Variants in GALNTL6 observed in about 807,000 individuals in gnomAD.
GALNTL6 encodes the protein polypeptide N-acetylgalactosaminyltransferase like 6.
GALNTL6 carries 46 observed loss-of-function variants against 73.7 expected under a neutral mutation model. The ratio of observed to expected loss-of-function variants is 0.62; its 90% CI spans 0.49 to 0.80. The LOEUF (loss-of-function observed/expected upper bound fraction) is 0.80. GALNTL6 is among the 30% of genes least tolerant of loss of function. GALNTL6 has a pLI of 0.00. For missense variants in GALNTL6, 604 were observed against 755.0 expected (o/e 0.80, Z 2.34); for synonymous variants, 259 against 263.7 (o/e 0.98, Z 0.17).
At chr4:172,730,699 T>A (rs1229834495) in intron 5 of GALNTL6, among the ~76,000 whole-genome samples, 1 of 152,142 alleles carries the variant, frequency 6.6e-6, no homozygotes, top group Non-Finnish European at 1.5e-5. Flanking sequence ...TCTTGTAGCA[T>A]CCTTGTCTGG....
intron 2 of GALNTL6, among the ~76,000 whole-genome samples, chr4:171,981,422 A>C (rs1739891945): frequency 6.6e-6 from 1 of 152,210 alleles, no homozygotes; most frequent in Admixed American, 6.5e-5. Flanking sequence ...CTGTCAGTTT[A>C]CATTGCCAGG....
intron 2 of GALNTL6, among the ~76,000 whole-genome samples, chr4:171,914,368 G>T (rs1369775383): frequency 6.6e-6 from 1 of 151,074 alleles, no homozygotes; most frequent in Non-Finnish European, 1.5e-5. Flanking sequence ...CAACTTCAGT[G>T]CATTTACAGG....
At chr4:172,903,791 G>T (rs1579633212) in intron 8 of GALNTL6, among the ~76,000 whole-genome samples, 1 of 152,180 alleles carries the variant, frequency 6.6e-6, no homozygotes, top group South Asian at 2.1e-4. Flanking sequence ...GGGGTTTGTT[G>T]TATTACTTTA....
At chr4:172,641,217 T>C (rs748464375) in intron 5 of GALNTL6, among the ~76,000 whole-genome samples, 55 of 152,258 alleles carry the variant, frequency 3.6e-4, no homozygotes, top group Admixed American at 8.5e-4. Flanking sequence ...CTTGCTTCTT[T>C]GTAGTCCATT....
chr4:172,883,088 T>C (rs2111193413), intron 8 of GALNTL6, among the ~76,000 whole-genome samples, 181 bp downstream of exon 8: 1 of 152,318 alleles, frequency 6.6e-6, no homozygotes, highest in Middle Eastern at 3.4e-3. Context: ...TTTTTCTTGA[T>C]ATACAATCAT....
intron 5 of GALNTL6, among the ~76,000 whole-genome samples, chr4:172,781,595 C>T (rs1347499068): frequency 6.6e-6 from 1 of 151,974 alleles, no homozygotes; most frequent in South Asian, 2.1e-4. Context: ...TACCATGGAG[C>T]CTTATTGATC....
At chr4:172,027,231 G>A (rs1020898739) in intron 2 of GALNTL6, among the ~76,000 whole-genome samples, 4 of 152,070 alleles carry the variant, frequency 2.6e-5, no homozygotes, top group African/African-American at 4.8e-5. Context: ...AGATATTGTG[G>A]TTGTTACAAA....
chr4:172,988,338 A>C (rs1001521958), intron 10 of GALNTL6, among the ~76,000 whole-genome samples: 2 of 152,168 alleles, frequency 1.3e-5, no homozygotes, highest in African/African-American at 4.8e-5. Context: ...CTTGAGAGAG[A>C]GGATTTAGGG....
At chr4:172,916,680 G>A (rs187651627) in intron 8 of GALNTL6, among the ~76,000 whole-genome samples, 18 of 151,800 alleles carry the variant, frequency 1.2e-4, no homozygotes, top group Non-Finnish European at 7.4e-5. Context: ...CCTAGGAATC[G>A]AACTTACAAG....
At chr4:171,859,350 A>T (rs1261950553) in intron 2 of GALNTL6, among the ~76,000 whole-genome samples, 1 of 152,094 alleles carries the variant, frequency 6.6e-6, no homozygotes, top group East Asian at 1.9e-4. Flanking sequence ...ACTCCCAATG[A>T]TATATTTTTA....
chr4:172,891,721 C>T (rs1288774738), intron 8 of GALNTL6, among the ~76,000 whole-genome samples: 1 of 152,162 alleles, frequency 6.6e-6, no homozygotes, highest in Non-Finnish European at 1.5e-5. Context: ...ATTATATTCT[C>T]AAATATGTCT....
intron 2 of GALNTL6, among the ~76,000 whole-genome samples, chr4:172,062,955 A>G (rs867002507): frequency 2.0e-5 from 3 of 152,316 alleles, no homozygotes; most frequent in African/African-American, 7.2e-5. Flanking sequence ...TATTTTTCCC[A>G]CCATCTGTAT....
intron 3 of GALNTL6, among the ~76,000 whole-genome samples, chr4:172,292,823 G>A (rs752320806): frequency 9.2e-5 from 14 of 152,040 alleles, no homozygotes; most frequent in Non-Finnish European, 1.8e-4. Flanking sequence ...CATCCCAGGA[G>A]GATCTCTTCA....
chr4:172,990,729 A>G (rs1039603475), intron 10 of GALNTL6, among the ~76,000 whole-genome samples: 1 of 152,210 alleles, frequency 6.6e-6, no homozygotes, highest in African/African-American at 2.4e-5. Flanking sequence ...TATAGCCACA[A>G]TTAAAGACAA....
intron 5 of GALNTL6, among the ~76,000 whole-genome samples, chr4:172,713,462 C>G (rs1045952925): frequency 2.6e-5 from 4 of 151,718 alleles, no homozygotes; most frequent in Non-Finnish European, 4.4e-5. Context: ...TCAACTTAGG[C>G]CTTCAACTGT....
At chr4:171,902,435 T>C (rs147990551) in intron 2 of GALNTL6, among the ~76,000 whole-genome samples, 105 of 152,320 alleles carry the variant, frequency 6.9e-4, no homozygotes, top group African/African-American at 2.3e-3. Context: ...AGAGGCACCA[T>C]TGACAATTTG....
At chr4:172,203,200 T>C (rs564494596) in intron 2 of GALNTL6, among the ~76,000 whole-genome samples, 1 of 152,274 alleles carries the variant, frequency 6.6e-6, no homozygotes, top group Admixed American at 6.5e-5. Context: ...ACCATATAGC[T>C]ATATTGGTTA....
At chr4:172,818,160 C>A (rs1684696293) in intron 7 of GALNTL6, among the ~76,000 whole-genome samples, 2 of 152,276 alleles carry the variant, frequency 1.3e-5, no homozygotes, top group Middle Eastern at 3.4e-3. Flanking sequence ...AACTTGTCTC[C>A]AAGGGCAGCA....
chr4:172,990,225 C>T (rs548915770), intron 10 of GALNTL6, among the ~76,000 whole-genome samples: 15 of 152,310 alleles, frequency 9.8e-5, no homozygotes, highest in Admixed American at 9.1e-4. Context: ...AAAGCAGATC[C>T]TTATTGCACC....
Sources: gnomAD v4.1 joint callset for allele counts (sites outside exome capture counted in the v4.1 genomes callset) on GRCh38, gnomAD v4.1.1 for gene constraint, MANE v1.5 for transcripts, NCBI Gene and HGNC (gene_info 2026-07-23, HGNC 2026-07-21) for gene names.